Variants in DAG1 observed in about 807,000 individuals in gnomAD.
The protein encoded by DAG1 is dystroglycan 1 (dystrophin-associated glycoprotein 1).
DAG1 carries 8 observed loss-of-function variants against 46.1 expected under a neutral mutation model. The observed-to-expected ratio is 0.17, with a 90% CI of 0.10 to 0.31. The LOEUF is 0.31. Ranked by LOEUF, DAG1 falls within the 10% of genes least tolerant of loss-of-function variation. The pLI is 1.00. For synonymous variants in DAG1, 495 were observed against 481.8 expected, an observed-to-expected ratio of 1.03 and a Z score of -0.36; for missense variants, 1,003 against 1,189.9, an observed-to-expected ratio of 0.84 and a Z score of 2.31.
At chr3:49,485,914 A>G (rs564606359) in intron 1 of DAG1, among the ~76,000 whole-genome samples, 2 of 151,010 alleles carry the variant, frequency 1.3e-5, no homozygotes, top group South Asian at 2.1e-4. Context: ...TCTCATCTCA[A>G]CCTTCCAAAG....
In DAG1 at chr3:49,531,938, C is replaced by T. The variant is rs144795781; in HGVS notation, c.1427C>T (p.Pro476Leu). The T allele has an allele frequency of 9.9e-6, 16 of 1,614,226 alleles. No individual in the cohort carries two copies. The highest frequency in any genetic ancestry group is 3.3e-5 in the South Asian group (3 of 91,076). Residue 476 changes from proline to leucine, a missense_variant, in exon 3 of 3, where the codon CCG (proline) becomes CTG (leucine). Physicochemically the swap from Pro to Leu is moderately conservative, Grantham distance 98. Transcript: ENST00000308775. This position sits in a 1 kb window ranked among gnomAD's most constrained non-coding sequence, Gnocchi z 7.0. ...ATCACCAGATTGGAAACTGCCTCAC[C>T]GCCTACTCGTATTCGCACCACCACC... ...VSITRLETASPPTRIRTTTSG... is the reference protein window; with the variant it reads ...VSITRLETASLPTRIRTTTSG...
intron 2 of DAG1, among the ~76,000 whole-genome samples, chr3:49,512,258 A>G (rs974483522): frequency 6.6e-6 from 1 of 152,068 alleles, no homozygotes; most frequent in African/African-American, 2.4e-5. Flanking sequence ...GCTGGAGTGC[A>G]ATGGCACAAT....
chr3:49,501,459 T>C (rs1315970560), intron 1 of DAG1, among the ~76,000 whole-genome samples: 3 of 152,148 alleles, frequency 2.0e-5, no homozygotes, highest in Non-Finnish European at 4.4e-5. Context: ...GTATCCCTGC[T>C]CTCCCACAAC....
At chr3:49,482,215 A>G (rs1488578987) in intron 1 of DAG1, among the ~76,000 whole-genome samples, 1 of 152,062 alleles carries the variant, frequency 6.6e-6, no homozygotes, top group Non-Finnish European at 1.5e-5. Context: ...AACCACAGGG[A>G]CCTCTGCTCT....
intron 1 of DAG1, among the ~76,000 whole-genome samples, chr3:49,505,483 G>A (rs964677978): frequency 5.3e-5 from 8 of 152,246 alleles, no homozygotes; most frequent in East Asian, 3.9e-4. Flanking sequence ...GTGTCCACAT[G>A]TTGCAGTATA....
chr3:49,521,149 G>T (rs971771326), intron 2 of DAG1, among the ~76,000 whole-genome samples: 12 of 151,560 alleles, frequency 7.9e-5, no homozygotes, highest in African/African-American at 2.7e-4. Flanking sequence ...TTTTTGTTTT[G>T]TTTTTTTGTT....
chr3:49,482,839 C>T (rs1234888090), intron 1 of DAG1, among the ~76,000 whole-genome samples: 1 of 152,112 alleles, frequency 6.6e-6, no homozygotes, highest in Admixed American at 6.6e-5. Flanking sequence ...AGCCTTTTCA[C>T]TGTGCTGTGA....
chr3:49,480,442 A>AT (rs2049844964), intron 1 of DAG1, among the ~76,000 whole-genome samples: 1 of 149,630 alleles, frequency 6.7e-6, no homozygotes, highest in Non-Finnish European at 1.5e-5. Flanking sequence ...CGCCCGGCTA[A>AT]TTTTTTGTAT....
At chr3:49,472,515 A>G (rs1485221766) in intron 1 of DAG1, among the ~76,000 whole-genome samples, 2 of 152,258 alleles carry the variant, frequency 1.3e-5, no homozygotes, top group African/African-American at 2.4e-5. Context: ...TTTGATTATT[A>G]AAAACTTTAT....
Position 49,531,974 on chromosome 3 carries a change from C to A in DAG1, c.1463C>A (p.Pro488His). ...TRIRTTTSGV[P>H]RGGEPNQRPE... is the part of the protein sequence containing the mutation. ...ATTCGCACCACCACCAGTGGAGTGC[C>A]CCGTGGCGGAGAACCCAACCAGCGC... is the stretch of plus-strand genomic sequence containing the variant. Residue 488 changes from proline to histidine, a missense_variant, in exon 3 of 3, where the codon CCC (proline) becomes CAC (histidine). This residue lies in a region of DAG1 where 755 missense variants were observed against 854.1 expected (regional missense o/e 0.88). Coordinates refer to ENST00000308775, the MANE Select transcript of DAG1 (RefSeq NM_004393.6). The surrounding 1 kb of genome is among the most constrained non-coding windows in gnomAD (Gnocchi z 7.0). 1 of 1,614,174 alleles carries A rather than the reference C, an allele frequency of 6.2e-7. No homozygotes were observed. Among genetic ancestry groups the A allele is most frequent in the South Asian group, 1.1e-5 (1 of 91,078 alleles).
Position 49,510,492 on chromosome 3 carries a change from C to T in DAG1, c.-43C>T, listed in dbSNP as rs1266731401. Reference sequence around the variant, plus strand: ...GCTCTGGGACCAAGTCACTTGCTTCCTTACTTAGCAAGACTATCGACTTGA... The same window carrying T: ...GCTCTGGGACCAAGTCACTTGCTTCTTTACTTAGCAAGACTATCGACTTGA... On this transcript the variant is annotated 5_prime_UTR_variant, in exon 2 of 3. Coordinates refer to ENST00000308775, the MANE Select transcript of DAG1 (RefSeq NM_004393.6). 6.3e-7 allele frequency: 1 copy of T among 1,599,898 alleles called. No individual in the cohort carries two copies. The highest frequency in any genetic ancestry group is 8.5e-7 in the Non-Finnish European group (1 of 1,172,090).
At chr3:49,514,276 AT>A (rs978821228) in intron 2 of DAG1, among the ~76,000 whole-genome samples, 1 of 152,152 alleles carries the variant, frequency 6.6e-6, no homozygotes, top group Admixed American at 6.6e-5. Flanking sequence ...TATTAAAGGA[AT>A]TTTTTTCTTA....
chr3:49,478,802 C>CTTTTTT lies in DAG1; in HGVS notation c.-117+8392_-117+8397dup, dbSNP rs201202889. On this transcript the variant is annotated intron_variant, in intron 1 of 2. Coordinates refer to ENST00000308775, the MANE Select transcript of DAG1 (RefSeq NM_004393.6). ...TGAAAAGTCTCTTGTCGTCCCCTCCCTTTTTTTTTTTTTTTTTTTTTTTTT... is the reference window on the plus strand; with the variant it reads ...TGAAAAGTCTCTTGTCGTCCCCTCCCTTTTTTTTTTTTTTTTTTTTTTTTTTTTTTT... 4.7e-4 allele frequency among the ~76,000 whole-genome samples: 36 copies of CTTTTTT among 76,008 alleles called. 2 individuals are homozygous for CTTTTTT. Among genetic ancestry groups the CTTTTTT allele is most frequent in the South Asian group, 9.5e-4 (2 of 2,096 alleles). 49.9% of individuals were successfully genotyped at this position (76,008 alleles called of 152,430 possible).
chr3:49,475,337 CA>C (rs2049651079), intron 1 of DAG1, among the ~76,000 whole-genome samples: 1 of 151,482 alleles, frequency 6.6e-6, no homozygotes, highest in Admixed American at 6.6e-5. Flanking sequence ...CTCCCGACCT[CA>C]AGTGATCCGC....
intron 2 of DAG1, among the ~76,000 whole-genome samples, chr3:49,516,749 A>C (rs2107715728): frequency 6.6e-6 from 1 of 152,114 alleles, no homozygotes; most frequent in South Asian, 2.1e-4. Flanking sequence ...CCTGTCTTGT[A>C]TTCACCCTCC....
intron 1 of DAG1, among the ~76,000 whole-genome samples, chr3:49,490,417 C>G (rs1252263892): frequency 6.7e-6 from 1 of 149,326 alleles, no homozygotes; most frequent in African/African-American, 2.5e-5. Flanking sequence ...AAGAATAATT[C>G]AAGAAACTCC....
chr3:49,494,637 T>A (rs1281382986), intron 1 of DAG1, among the ~76,000 whole-genome samples: 1 of 151,638 alleles, frequency 6.6e-6, no homozygotes, highest in Non-Finnish European at 1.5e-5. Context: ...TTATTATTAT[T>A]ATTTTTTTTT....
At chr3:49,480,863 G>A (rs1261338738) in intron 1 of DAG1, among the ~76,000 whole-genome samples, 1 of 128,428 alleles carries the variant, frequency 7.8e-6, no homozygotes, top group South Asian at 2.4e-4. Flanking sequence ...CCGGGTTCAC[G>A]CCATTCTTCT....
chr3:49,504,989 T>C (rs1370560860), intron 1 of DAG1, among the ~76,000 whole-genome samples: 1 of 149,588 alleles, frequency 6.7e-6, no homozygotes. Context: ...TTTTTTTTAA[T>C]TTTAAAATTA....
Sources: gnomAD v4.1 joint callset for allele counts (sites outside exome capture counted in the v4.1 genomes callset) on GRCh38, gnomAD v4.1.1 for gene constraint, gnomAD v4.1.1 regional missense constraint, Gnocchi (gnomAD v3.1) non-coding constraint, MANE v1.5 for transcripts, NCBI Gene and HGNC (gene_info 2026-07-23, HGNC 2026-07-21) for gene names.